The following ATRX variants were observed in gnomAD, a reference collection of about 807,000 sequenced individuals.
The protein encoded by ATRX is chromatin remodeler ATRX.
A neutral mutation model predicts 172.6 loss-of-function variants in ATRX; 12 were observed. That is an observed-to-expected ratio of 0.07 (90% CI 0.04 to 0.11). ATRX has a LOEUF of 0.11. Among genes scored for constraint, ATRX ranks in the 10% least tolerant of loss-of-function variants. ATRX has a pLI of 1.00. For synonymous variants in ATRX, 674 were observed against 594.7 expected, an observed-to-expected ratio of 1.13 and a Z score of -1.94; for missense variants, 1,368 against 1,767.4, an observed-to-expected ratio of 0.77 and a Z score of 4.05.
chrX:77,656,926 T>C (rs929370391), intron 12 of ATRX, among the ~76,000 whole-genome samples: 1 of 111,636 alleles, frequency 9.0e-6, no homozygotes. Flanking sequence ...TAAGAATAAA[T>C]TACCTGTCAA....
intron 28 of ATRX, among the ~76,000 whole-genome samples, chrX:77,568,178 A>T (rs1482043648): frequency 9.0e-6 from 1 of 110,726 alleles, no homozygotes; most frequent in Admixed American, 9.6e-5. Context: ...AAAAAGAAAA[A>T]GAAAATCAAG....
In ATRX at chrX:77,722,634, CAAT is replaced by C. The variant is rs1380992459; in HGVS notation, c.21-5394_21-5392del. Reference sequence around the variant, plus strand: ...ATTAGAGAAATGCAAATAAAAACCACAATGAGATACCACCTCACGCCGGTTAGA... The same window carrying C: ...ATTAGAGAAATGCAAATAAAAACCACGAGATACCACCTCACGCCGGTTAGA... On this transcript the variant is annotated intron_variant, in intron 1 of 34. Transcript: ENST00000373344. Among the ~76,000 whole-genome samples, 23 of 111,876 alleles carry C rather than the reference CAAT, an allele frequency of 2.1e-4. No homozygotes were observed. The Admixed American group carries it at 2.2e-3, about 11-fold the overall frequency.
rs782644388 is a variant in ATRX at position 77,717,349 on chromosome X, A to G, written c.21-106T>C. 10 of 607,917 alleles carry G rather than the reference A, an allele frequency of 1.6e-5. No individual in the cohort carries two copies. The African/African-American group carries it at 1.8e-4, about 11-fold the overall frequency. 50.1% of individuals were successfully genotyped at this position (607,917 alleles called of 1,213,427 possible). On this transcript the variant is annotated intron_variant, in intron 1 of 34. Transcript: ENST00000373344. ...ATATAGCCATACTGTAAGTCGTGTA[A>G]GAGTATGCACATTCAAAGTAAAAAC...
chrX:77,742,950 T>C (rs782274893), intron 1 of ATRX, among the ~76,000 whole-genome samples: 1 of 111,072 alleles, frequency 9.0e-6, no homozygotes, highest in South Asian at 3.8e-4. Context: ...CTCATAACTG[T>C]GAGCAGTACG....
chrX:77,650,097 A>G (rs1377290121), intron 15 of ATRX, among the ~76,000 whole-genome samples: 13 of 112,430 alleles, frequency 1.2e-4, no homozygotes, highest in African/African-American at 3.9e-4. Flanking sequence ...CAAAATTCCA[A>G]CAGAAATTCC....
At chrX:77,594,103 T>C (rs1297832558) in intron 25 of ATRX, 25 of 302,187 alleles carry the variant, frequency 8.3e-5, no homozygotes, top group Non-Finnish European at 1.3e-4. Flanking sequence ...AAGCAAGAGA[T>C]TGACTCTGAG....
At chrX:77,573,902 C>T (rs2065509347) in intron 28 of ATRX, among the ~76,000 whole-genome samples, 3 of 111,393 alleles carry the variant, frequency 2.7e-5, no homozygotes, top group African/African-American at 9.8e-5. Flanking sequence ...AATTCCAAAA[C>T]CTGGAAACAA....
rs1337499508 is a variant in ATRX, at chrX:77,507,225, G to C, written c.*1126C>G. 20 of 170,467 alleles carry C rather than the reference G, an allele frequency of 1.2e-4. No homozygotes were observed. The highest frequency in any genetic ancestry group is 1.8e-4 in the African/African-American group (6 of 33,424). 14.0% of individuals were successfully genotyped at this position (170,467 alleles called of 1,213,427 possible). A position where few individuals can be genotyped will look rare whatever the true frequency, so the allele number is the denominator to read the frequency against. On this transcript the variant is annotated 3_prime_UTR_variant, in exon 35 of 35. Coordinates refer to ENST00000373344, the MANE Select transcript of ATRX (RefSeq NM_000489.6). ...TCTGAAACAATTTAAAAAAATGTAA[G>C]GAAACTGGGGTAAAAGAACATGATG...
intron 22 of ATRX, among the ~76,000 whole-genome samples, chrX:77,611,495 C>CTA (rs781884854): frequency 9.0e-6 from 1 of 111,441 alleles, no homozygotes; most frequent in South Asian, 3.7e-4. Context: ...TTGAAGTACA[C>CTA]TATTCCAATG....
intron 30 of ATRX, among the ~76,000 whole-genome samples, chrX:77,536,336 ATTCCT>A (rs2063748938): frequency 8.9e-6 from 1 of 112,129 alleles, no homozygotes; most frequent in African/African-American, 3.2e-5. Context: ...TGCAATTTAT[ATTCCT>A]TTAAGGGTCC....
intron 9 of ATRX, among the ~76,000 whole-genome samples, chrX:77,677,892 C>T (rs2070977804): frequency 9.0e-6 from 1 of 110,864 alleles, no homozygotes; most frequent in Admixed American, 9.7e-5. Context: ...GAAACAGACA[C>T]CTACAGGCTC....
chrX:77,584,836 G>A (rs782498022), intron 27 of ATRX, among the ~76,000 whole-genome samples: 1 of 110,678 alleles, frequency 9.0e-6, no homozygotes. Flanking sequence ...AAGCTTCTGC[G>A]CAACAAAGGA....
chrX:77,758,763 A>AG (rs1186184261), intron 1 of ATRX, among the ~76,000 whole-genome samples: 1 of 111,699 alleles, frequency 9.0e-6, no homozygotes, highest in Non-Finnish European at 1.9e-5. Flanking sequence ...ATCTCAAAAA[A>AG]AAAAAGCTAA....
At chrX:77,741,812 C>T (rs1040374507) in intron 1 of ATRX, among the ~76,000 whole-genome samples, 5 of 111,793 alleles carry the variant, frequency 4.5e-5, no homozygotes, top group African/African-American at 1.6e-4. Flanking sequence ...TGAAGTCCAA[C>T]TTACTTATTC....
chrX:77,681,874 T>C lies in ATRX; in HGVS notation c.3382A>G (p.Arg1128Gly). The change falls in exon 9 of 35, where the codon AGA (arginine) becomes GGA (glycine). Residue 1128 changes from arginine (R) to glycine (G), a missense_variant. Physicochemically the swap from Arg to Gly is moderately radical, Grantham distance 125. This residue lies in a region of ATRX where 843 missense variants were observed against 643.1 expected (regional missense o/e 1.31). Coordinates refer to ENST00000373344, the MANE Select transcript of ATRX (RefSeq NM_000489.6). The stretch of plus-strand genomic sequence containing the variant: ...TCCCTCAATTCTATTCTTTTCAGTC[T>C]CTTATCAGAAGAGTTACAACCATCT... ...KEDGCNSSDK[R>G]LKRIELRERR... is the part of the protein sequence containing the mutation. 8.3e-7 allele frequency: 1 copy of C among 1,208,230 alleles called. No homozygotes were observed. Among genetic ancestry groups the C allele is most frequent in the Non-Finnish European group, 1.1e-6 (1 of 893,494 alleles).
chrX:77,523,563 A>G (rs957506584), intron 30 of ATRX, among the ~76,000 whole-genome samples, 162 bp from the exon 31 acceptor site: 4 of 112,055 alleles, frequency 3.6e-5, no homozygotes, highest in African/African-American at 1.3e-4. Context: ...CAAAACATGT[A>G]ACACCAGCCT....
intron 1 of ATRX, among the ~76,000 whole-genome samples, chrX:77,776,578 CAAAG>C (rs1395194321): frequency 9.0e-6 from 1 of 111,353 alleles, no homozygotes; most frequent in African/African-American, 3.3e-5. Context: ...TTTTTTAAAA[CAAAG>C]AAACCAAAGA....
chrX:77,735,409 C>T (rs1431311190), intron 1 of ATRX, among the ~76,000 whole-genome samples: 3 of 111,094 alleles, frequency 2.7e-5, no homozygotes, highest in Non-Finnish European at 5.7e-5. Context: ...ATTCTGGCTA[C>T]GGTGAAACCC....
intron 22 of ATRX, among the ~76,000 whole-genome samples, chrX:77,614,514 G>C (rs2148230934): frequency 8.9e-6 from 1 of 111,886 alleles, no homozygotes; most frequent in South Asian, 3.7e-4. Flanking sequence ...TAGTCACAAA[G>C]AATAAAGCAA....
Sources: allele counts gnomAD v4.1 joint callset (sites outside exome capture counted in the v4.1 genomes callset), GRCh38; gene constraint gnomAD v4.1.1; regional missense constraint gnomAD v4.1.1; transcripts MANE v1.5; gene names NCBI Gene and HGNC (gene_info 2026-07-23, HGNC 2026-07-21).